Variants in PRELID2 observed in about 807,000 individuals in gnomAD.
The protein encoded by PRELID2 is PRELI domain containing 2, also known as PRELI domain-containing protein 2.
PRELID2 carries 25 observed loss-of-function variants against 28.4 expected under a neutral mutation model. The observed-to-expected ratio is 0.88, with a 90% CI of 0.64 to 1.23. The LOEUF (loss-of-function observed/expected upper bound fraction) is 1.23, where lower values mean the gene tolerates loss of function less well. Ranked by LOEUF, PRELID2 falls within the 50% of genes most tolerant of loss-of-function variation. The pLI, the probability that PRELID2 is intolerant of heterozygous loss-of-function variation, is 0.00. For missense variants in PRELID2, 201 were observed against 214.4 expected (o/e 0.94, Z 0.39); for synonymous variants, 76 against 71.6 (o/e 1.06, Z -0.31).
chr5:145,410,407 A>C, the PRELID2 span, among the ~76,000 whole-genome samples: 1 of 152,204 alleles, frequency 6.6e-6, no homozygotes, highest in Non-Finnish European at 1.5e-5. Flanking sequence ...ATCTTTGCAA[A>C]CTATGTGTAT....
At chr5:145,697,033 T>TTATATATA (rs36117637) in intron 1 of PRELID2, among the ~76,000 whole-genome samples, 19 of 50,652 alleles carry the variant, frequency 3.8e-4, no homozygotes, top group South Asian at 2.4e-3. Flanking sequence ...GAGAGGAAAA[T>TTATATATA]TATATATATA....
chr5:145,379,214 G>T, the PRELID2 span, among the ~76,000 whole-genome samples: 1 of 152,144 alleles, frequency 6.6e-6, no homozygotes. Flanking sequence ...GGCCAAGGAG[G>T]TGCTCCCAGA....
At chr5:145,336,611 C>G in the PRELID2 span, among the ~76,000 whole-genome samples, 1 of 152,092 alleles carries the variant, frequency 6.6e-6, no homozygotes, top group Admixed American at 6.5e-5. Flanking sequence ...TCTGAGGGCT[C>G]TGTTCTGTTC....
intron 1 of PRELID2, among the ~76,000 whole-genome samples, chr5:145,658,276 T>C (rs1458812093): frequency 2.0e-5 from 3 of 151,850 alleles, no homozygotes; most frequent in Non-Finnish European, 2.9e-5. Context: ...GGTCAAAGAG[T>C]AGCCTTGTAC....
the PRELID2 span, among the ~76,000 whole-genome samples, chr5:145,415,672 G>C: frequency 6.6e-6 from 1 of 151,010 alleles, no homozygotes; most frequent in Non-Finnish European, 1.5e-5. Flanking sequence ...TCTTAATCCA[G>C]TCTATCATTG....
At chr5:145,266,195 G>A in the PRELID2 span, among the ~76,000 whole-genome samples, 1 of 152,006 alleles carries the variant, frequency 6.6e-6, no homozygotes, top group Non-Finnish European at 1.5e-5. Flanking sequence ...GGGGATGTTG[G>A]GGAAGCTACT....
In PRELID2 at chr5:145,666,965, C is replaced by A. The variant is rs535000089; in HGVS notation, n.70+97966G>T. Among the ~76,000 whole-genome samples, 110 of 152,000 alleles carry A rather than the reference C, an allele frequency of 7.2e-4. 1 individual carries two copies. The highest frequency in any genetic ancestry group is 2.6e-3 in the African/African-American group (109 of 41,502). On this transcript the variant is annotated intron_variant and non_coding_transcript_variant, in intron 1 of 2. Coordinates refer to the PRELID2 transcript ENST00000510259. ...TATTTAAAACCTCTTATTGTAGTGA[C>A]AAAAGATAAGGGAGTTAAAATGAAT...
At chr5:145,628,411 C>A (rs1245717730) in intron 1 of PRELID2, among the ~76,000 whole-genome samples, 2 of 152,140 alleles carry the variant, frequency 1.3e-5, no homozygotes, top group African/African-American at 4.8e-5. Flanking sequence ...GCAACCTCCA[C>A]CTCCCGGGTT....
the PRELID2 span, among the ~76,000 whole-genome samples, chr5:145,464,894 G>A: frequency 6.6e-6 from 1 of 152,060 alleles, no homozygotes; most frequent in Non-Finnish European, 1.5e-5. Flanking sequence ...GCCAACAGGG[G>A]GGACTGGGGT....
At chr5:145,690,045 A>G (rs1421000279) in intron 1 of PRELID2, among the ~76,000 whole-genome samples, 1 of 142,454 alleles carries the variant, frequency 7.0e-6, no homozygotes, top group African/African-American at 2.7e-5. Flanking sequence ...GCTGGAGTGC[A>G]ATGGTGCAAT....
At chr5:145,413,750 T>C in the PRELID2 span, among the ~76,000 whole-genome samples, 2 of 152,236 alleles carry the variant, frequency 1.3e-5, no homozygotes, top group African/African-American at 4.8e-5. Context: ...TCTTCTTCTA[T>C]GAGTTCAACT....
chr5:145,442,535 C>T, the PRELID2 span, among the ~76,000 whole-genome samples: 9 of 151,950 alleles, frequency 5.9e-5, no homozygotes, highest in South Asian at 2.1e-4. Context: ...GGGGTGTCAC[C>T]GCCTTTTGGT....
the PRELID2 span, among the ~76,000 whole-genome samples, chr5:145,296,811 G>A: frequency 6.6e-6 from 1 of 152,182 alleles, no homozygotes; most frequent in Admixed American, 6.5e-5. Context: ...CCCACCAACA[G>A]TGTAAAAGTG....
chr5:145,811,912 G>A (rs1753971261), intron 4 of PRELID2, among the ~76,000 whole-genome samples: 1 of 152,200 alleles, frequency 6.6e-6, no homozygotes, highest in African/African-American at 2.4e-5. Context: ...AAAACATGAA[G>A]AGGAAAAAAG....
At chr5:145,481,650 A>AAAAAAAAAAAAAAAAG (rs1752162758) in intron 1 of PRELID2, among the ~76,000 whole-genome samples, 4 of 117,850 alleles carry the variant, frequency 3.4e-5, no homozygotes, top group African/African-American at 6.5e-5. Context: ...AAAAAAAAAA[A>AAAAAAAAAAAAAAAAG]AAAGAAAGAA....
intron 1 of PRELID2, among the ~76,000 whole-genome samples, chr5:145,543,116 T>C (rs1752758635): frequency 6.6e-6 from 1 of 152,136 alleles, no homozygotes; most frequent in Admixed American, 6.6e-5. Flanking sequence ...CAAATATTCC[T>C]ACTAGCTGCC....
At chr5:145,238,220 T>C in the PRELID2 span, among the ~76,000 whole-genome samples, 1 of 152,156 alleles carries the variant, frequency 6.6e-6, no homozygotes, top group East Asian at 1.9e-4. Context: ...CATTTCTATG[T>C]GCTAGGGTGC....
chr5:145,501,352 T>A (rs1195341360), intron 1 of PRELID2, among the ~76,000 whole-genome samples: 1 of 152,146 alleles, frequency 6.6e-6, no homozygotes, highest in Non-Finnish European at 1.5e-5. Context: ...CTCTACTAAC[T>A]TTTACTGTGT....
the PRELID2 span, among the ~76,000 whole-genome samples, chr5:145,268,720 A>C: frequency 6.6e-6 from 1 of 152,160 alleles, no homozygotes; most frequent in Non-Finnish European, 1.5e-5. Context: ...ACTAAATTAA[A>C]AGTATAAAGG....
Sources: gnomAD v4.1 joint callset for allele counts (sites outside exome capture counted in the v4.1 genomes callset) on GRCh38, gnomAD v4.1.1 for gene constraint, MANE v1.5 for transcripts, NCBI Gene and HGNC (gene_info 2026-07-23, HGNC 2026-07-21) for gene names.